Variants in TPRA1 observed in about 807,000 individuals in gnomAD.
TPRA1 encodes transmembrane protein adipocyte-associated 1.
TPRA1 carries 28 observed loss-of-function variants against 40.1 expected under a neutral mutation model. The observed-to-expected ratio is 0.70, with a 90% CI of 0.52 to 0.96. TPRA1 has a LOEUF of 0.96. Ranked by LOEUF, TPRA1 falls within the 40% of genes least tolerant of loss-of-function variation. TPRA1 has a pLI of 0.00. For synonymous variants in TPRA1, 219 were observed against 209.7 expected, an observed-to-expected ratio of 1.04 and a Z score of -0.38; for missense variants, 441 against 482.6, an observed-to-expected ratio of 0.91 and a Z score of 0.81.
chr3:127,596,042 C>G (rs2074237297), intron 1 of TPRA1, among the ~76,000 whole-genome samples: 1 of 152,110 alleles, frequency 6.6e-6, no homozygotes, highest in Non-Finnish European at 1.5e-5. Context: ...GACACCGAGA[C>G]AGTGGGTGCT....
rs1166489124 is a variant in TPRA1 at position 127,579,679 on chromosome 3, T to TA, written c.258+60dup. On this transcript the variant is annotated intron_variant, in intron 3 of 10. Coordinates refer to ENST00000355552, the MANE Select transcript of TPRA1 (RefSeq NM_001136053.4). ...AGCTTATTTTCATTATAGAAGCAGT[T>TA]AATTCCCTTTTTGTTTAACCCAGTT... The TA allele has an allele frequency of 3.8e-6, 6 of 1,574,496 alleles. No individual in the cohort carries two copies. In the East Asian group the frequency reaches 1.4e-4, roughly 36 times the overall value.
intron 1 of TPRA1, among the ~76,000 whole-genome samples, chr3:127,581,684 G>C (rs931015873): frequency 6.6e-6 from 1 of 151,598 alleles, no homozygotes; most frequent in African/African-American, 2.4e-5. Context: ...AGGCCGAGGC[G>C]GGCAGATTGC....
At chr3:127,575,019 T>C (rs2073538107) in intron 10 of TPRA1, 166 bp downstream of exon 10, 1 of 709,348 alleles carries the variant, frequency 1.4e-6, no homozygotes, top group African/African-American at 1.8e-5. Flanking sequence ...TCTGTGTGCA[T>C]GTGCATGTGT....
At chr3:127,579,649 C>A (rs1576375702) in intron 3 of TPRA1, 91 bp downstream of exon 3, 1 of 1,430,606 alleles carries the variant, frequency 7.0e-7, no homozygotes, top group Non-Finnish European at 9.6e-7. Flanking sequence ...TCCAGCCATA[C>A]CTGAAGCTTA....
Position 127,575,764 on chromosome 3 carries a change from G to A in TPRA1, c.655C>T (p.Arg219Cys), listed in dbSNP as rs779195818. ...AGCTGCTCACAAGGCAGGGAGATGC[G>A]CTCCTTCAGCGGGGTCTTGGGAAGG... ...VILPKTPLKE[R>C]ISLPSRRSFY... is the part of the protein sequence containing the mutation. Residue 219 changes from arginine (R) to cysteine (C), a missense_variant, in exon 8 of 11, where the codon CGC becomes TGC. Coordinates refer to ENST00000355552, the MANE Select transcript of TPRA1 (RefSeq NM_001136053.4). The A allele has an allele frequency of 1.1e-5, 18 of 1,613,546 alleles. No homozygotes were observed. The highest frequency in any genetic ancestry group is 2.2e-5 in the East Asian group (1 of 44,872).
At chr3:127,593,026 T>C (rs1457464133), upstream of TPRA1, among the ~76,000 whole-genome samples, 1 of 152,226 alleles carries the variant, frequency 6.6e-6, no homozygotes, top group African/African-American at 2.4e-5. Flanking sequence ...TATTTTTATT[T>C]TTCTGCCTTT....
At chr3:127,588,108 G>GC (rs2074056380) in intron 1 of TPRA1, 1 of 152,486 alleles carries the variant, frequency 6.6e-6, no homozygotes, top group Non-Finnish European at 1.5e-5. Flanking sequence ...CAGAGCCCAG[G>GC]CCCCCAGTCA....
chr3:127,592,855 G>A (rs559798910), upstream of TPRA1, among the ~76,000 whole-genome samples: 1 of 152,300 alleles, frequency 6.6e-6, no homozygotes, highest in Admixed American at 6.5e-5. Flanking sequence ...CGATCTTCAC[G>A]GGTACATGTC....
intron 1 of TPRA1, among the ~76,000 whole-genome samples, chr3:127,588,533 G>A (rs1346793060): frequency 6.7e-6 from 1 of 149,914 alleles, no homozygotes; most frequent in African/African-American, 2.5e-5. Flanking sequence ...CGATTCTCCC[G>A]CCTCAGCCTC....
At position 127,576,877 on chromosome 3, in the gene TPRA1, G is replaced by A; in HGVS notation, c.362C>T (p.Thr121Ile). 11 of 1,613,784 alleles carry A rather than the reference G, an allele frequency of 6.8e-6. No homozygotes were observed. Among genetic ancestry groups the A allele is most frequent in the Non-Finnish European group, 8.5e-6 (10 of 1,180,010 alleles). Residue 121 changes from threonine to isoleucine, a missense_variant, in exon 5 of 11, where the codon ACC (threonine) becomes ATC (isoleucine). Physicochemically the swap from Thr to Ile is moderately conservative, Grantham distance 89 (BLOSUM62 -1). Transcript: ENST00000355552. The surrounding 1 kb of genome is among the most constrained non-coding windows in gnomAD (Gnocchi z 4.6). ...CTCGATGGCCAGCAGGAAGAAGCGG[G>A]TGATCTCCCACAGGATCTGCACGCA... ...TVADKILWEI[T>I]RFFLLAIELS...
At chr3:127,584,959 G>A (rs972119319) in intron 1 of TPRA1, among the ~76,000 whole-genome samples, 2 of 152,096 alleles carry the variant, frequency 1.3e-5, no homozygotes, top group African/African-American at 4.8e-5. Flanking sequence ...CTCAGACCAC[G>A]AGGCAGAAAC....
At chr3:127,590,290 G>T (rs1401458106) in intron 1 of TPRA1, 120 bp downstream of exon 1, 1 of 152,350 alleles carries the variant, frequency 6.6e-6, no homozygotes, top group Admixed American at 6.5e-5. Context: ...AGCTGCGCCC[G>T]AGCGGAAATG....
chr3:127,577,894 G>A (rs2073698920), intron 3 of TPRA1, among the ~76,000 whole-genome samples: 1 of 152,226 alleles, frequency 6.6e-6, no homozygotes. Flanking sequence ...GAGAGACCCA[G>A]GATGTCAGGT....
chr3:127,584,447 T>TAAAAAAAAA lies in TPRA1; in HGVS notation c.-17-4293_-17-4285dup, dbSNP rs1163065087. Reference sequence around the variant, plus strand: ...CTGGGCCACAGAGTGAGACCCTGTCTAAAAAAAAAAAAAAAAAAAAAAAAA... The same window carrying TAAAAAAAAA: ...CTGGGCCACAGAGTGAGACCCTGTCTAAAAAAAAAAAAAAAAAAAAAAAAAAAAAAAAAA... On this transcript the variant is annotated intron_variant, in intron 1 of 10. Transcript: ENST00000355552. Among the ~76,000 whole-genome samples the TAAAAAAAAA allele has an allele frequency of 8.6e-4, 18 of 20,860 alleles. 2 individuals carry two copies. The highest frequency in any genetic ancestry group is 2.7e-3 in the South Asian group (1 of 372). The allele number at this position is 20,860 out of a possible 152,430, so 13.7% of individuals were successfully genotyped here.
At chr3:127,579,292 C>A (rs559162889) in intron 3 of TPRA1, among the ~76,000 whole-genome samples, 1 of 152,222 alleles carries the variant, frequency 6.6e-6, no homozygotes, top group Non-Finnish European at 1.5e-5. Context: ...ATTCCCCTCC[C>A]CTCTAGTACC....
intron 10 of TPRA1, among the ~76,000 whole-genome samples, chr3:127,573,992 C>T (rs1451991326): frequency 6.6e-6 from 1 of 152,166 alleles, no homozygotes; most frequent in Non-Finnish European, 1.5e-5. Flanking sequence ...GCTGTGTGAG[C>T]TCAGGCGGGG....
chr3:127,576,951 C>G lies in TPRA1; in HGVS notation c.345+39G>C. The stretch of plus-strand genomic sequence containing the variant: ...ACCAGCATCCCCAGCCCACCCCAGG[C>G]CAGGCCTCCCTGGCCTCCCTCAGAG... On this transcript the variant is annotated intron_variant, in intron 4 of 10. Coordinates refer to ENST00000355552, the MANE Select transcript of TPRA1 (RefSeq NM_001136053.4). This position sits in a 1 kb window ranked among gnomAD's most constrained non-coding sequence, Gnocchi z 4.6. 1 of 1,613,552 alleles carries G rather than the reference C, an allele frequency of 6.2e-7. No homozygotes were observed. The highest frequency in any genetic ancestry group is 1.1e-5 in the South Asian group (1 of 91,082).
At chr3:127,589,869 C>T (rs757014397) in intron 1 of TPRA1, among the ~76,000 whole-genome samples, 7 of 152,232 alleles carry the variant, frequency 4.6e-5, no homozygotes, top group Non-Finnish European at 1.0e-4. Context: ...CGCCAAGCCC[C>T]GCTGGGGACT....
rs192027508 is a variant in TPRA1, at chr3:127,576,873, G to A, written c.366C>T (p.Arg122=). The A allele has an allele frequency of 6.2e-7, 1 of 1,613,738 alleles. No homozygotes were observed. The highest frequency in any genetic ancestry group is 8.5e-7 in the Non-Finnish European group (1 of 1,180,024). ...VADKILWEIT[R]FFLLAIELSV... ...TCAGCTCGATGGCCAGCAGGAAGAA[G>A]CGGGTGATCTCCCACAGGATCTGCA... Residue 122 remains arginine, a synonymous_variant, in exon 5 of 11, where the codon CGC becomes CGT. Transcript: ENST00000355552. The surrounding 1 kb of genome is among the most constrained non-coding windows in gnomAD (Gnocchi z 4.6).
Sources: allele counts gnomAD v4.1 joint callset (sites outside exome capture counted in the v4.1 genomes callset), GRCh38; gene constraint gnomAD v4.1.1; non-coding constraint Gnocchi (gnomAD v3.1); transcripts MANE v1.5; gene names NCBI Gene and HGNC (gene_info 2026-07-23, HGNC 2026-07-21).